FLNB: variants seen among roughly 807,000 people sequenced by gnomAD.
FLNB encodes the protein filamin-B.
Under a neutral mutation model 250.6 loss-of-function variants are expected in FLNB, and 111 were observed. That is an observed-to-expected ratio of 0.44 (90% CI 0.38 to 0.52). FLNB has a LOEUF of 0.52. Among genes scored for constraint, FLNB ranks in the 20% least tolerant of loss-of-function variants. The pLI is 0.00. For synonymous variants in FLNB, 1,302 were observed against 1,372.1 expected, an observed-to-expected ratio of 0.95 and a Z score of 1.13; for missense variants, 2,869 against 3,447.8, an observed-to-expected ratio of 0.83 and a Z score of 4.20.
intron 22 of FLNB, 56 bp from the exon 23 acceptor site, chr3:58,125,525 T>G: frequency 6.3e-7 from 1 of 1,583,280 alleles, no homozygotes; most frequent in Non-Finnish European, 8.7e-7. Context: ...AGAATCATTT[T>G]TCACAAATAG....
At chr3:58,113,726 TGGAGTGCAGTG>T (rs1158402315) in intron 18 of FLNB, among the ~76,000 whole-genome samples, 2 of 152,264 alleles carry the variant, frequency 1.3e-5, no homozygotes, top group Non-Finnish European at 2.9e-5. Flanking sequence ...TTGCCCAAGC[TGGAGTGCAGTG>T]GCATGATCTC....
intron 1 of FLNB, among the ~76,000 whole-genome samples, chr3:58,013,690 G>A (rs928651812): frequency 6.6e-6 from 1 of 152,214 alleles, no homozygotes; most frequent in Non-Finnish European, 1.5e-5. Flanking sequence ...TGGCCGTGGT[G>A]GTGCATGCCT....
chr3:58,062,547 T>A (rs996567181), intron 1 of FLNB, among the ~76,000 whole-genome samples: 4 of 152,280 alleles, frequency 2.6e-5, no homozygotes, highest in East Asian at 1.9e-4. Flanking sequence ...AGAAATCATG[T>A]TAGGGAACTT....
At position 58,069,020 on chromosome 3, in the gene FLNB, G is replaced by A. The variant is rs567832071; in HGVS notation, c.293-8026G>A. 6.6e-4 allele frequency among the ~76,000 whole-genome samples: 101 copies of A among 151,920 alleles called. 1 individual carries two copies. Among genetic ancestry groups the A allele is most frequent in the African/African-American group, 2.3e-3 (95 of 41,446 alleles). ...TTAGCCAGGTGGGTGGCATGTGCCTGTAGTCCTAGCTACCCAGGAGGCTGA... is the reference window on the plus strand; with the variant it reads ...TTAGCCAGGTGGGTGGCATGTGCCTATAGTCCTAGCTACCCAGGAGGCTGA... On this transcript the variant is annotated intron_variant, in intron 1 of 45. Coordinates refer to ENST00000295956, the MANE Select transcript of FLNB (RefSeq NM_001457.4).
At chr3:58,008,885 C>A in intron 1 of FLNB, 29 bp downstream of exon 1, 1 of 1,612,694 alleles carries the variant, frequency 6.2e-7, no homozygotes, top group Non-Finnish European at 8.5e-7. Flanking sequence ...CCCAGGCGCC[C>A]ACTGTGGTGC....
At chr3:58,023,990 C>T (rs1211744436) in intron 1 of FLNB, among the ~76,000 whole-genome samples, 3 of 152,190 alleles carry the variant, frequency 2.0e-5, no homozygotes, top group Non-Finnish European at 2.9e-5. Context: ...TGACAATGTA[C>T]TTGGGCAGCT....
chr3:58,135,062 A>T (rs917288240), intron 27 of FLNB, among the ~76,000 whole-genome samples: 1 of 152,102 alleles, frequency 6.6e-6, no homozygotes, highest in Admixed American at 6.5e-5. Flanking sequence ...CATGTTGCCC[A>T]ATCTGGTCTT....
At position 58,168,528 on chromosome 3, in the gene FLNB, G is replaced by T. The variant is rs753517546; in HGVS notation, c.7287G>T (p.Met2429Ile). 1 of 1,614,204 alleles carries T rather than the reference G, an allele frequency of 6.2e-7. No individual in the cohort carries two copies. The highest frequency in any genetic ancestry group is 1.7e-5 in the Admixed American group (1 of 60,030). ...TCGAAGGCCCATCCAAGGTTAAAAT[G>T]GATTGCCAGGAAACACCTGAAGGGT... is the stretch of plus-strand genomic sequence containing the variant. The part of the protein sequence containing the change: ...VTIEGPSKVK[M>I]DCQETPEGYK... Residue 2429 changes from methionine (M) to isoleucine (I), a missense_variant, in exon 44 of 46, where the codon ATG becomes ATT. By Grantham distance (10) the Met-to-Ile change is conservative. This residue lies in a region of FLNB where 1,084 missense variants were observed against 1,315.5 expected (regional missense o/e 0.82). Transcript: ENST00000295956.
chr3:58,052,357 C>A (rs2097163768), intron 1 of FLNB, among the ~76,000 whole-genome samples: 1 of 152,158 alleles, frequency 6.6e-6, no homozygotes, highest in Non-Finnish European at 1.5e-5. Context: ...ACAGGACTGA[C>A]AGGGTCCAAA....
intron 1 of FLNB, among the ~76,000 whole-genome samples, chr3:58,037,583 A>G (rs970601376): frequency 2.0e-4 from 31 of 152,156 alleles, no homozygotes; most frequent in Admixed American, 9.2e-4. Flanking sequence ...GAAAGCCCCC[A>G]GGTAGAATTA....
chr3:58,083,908 T>C (rs1039483763), intron 4 of FLNB, among the ~76,000 whole-genome samples: 1 of 152,118 alleles, frequency 6.6e-6, no homozygotes, highest in Admixed American at 6.6e-5. Flanking sequence ...AAAAGTGCTT[T>C]CTTTGGCCGG....
chr3:58,121,651 GGT>G (rs1334813368), intron 20 of FLNB, 148 bp downstream of exon 20: 1 of 983,174 alleles, frequency 1.0e-6, no homozygotes, highest in Non-Finnish European at 1.6e-6. Context: ...CCCCTGGGTA[GGT>G]GGGTCACAAC....
At chr3:58,109,749 C>T (rs1559699588) in intron 15 of FLNB, 50 bp downstream of exon 15, 13 of 1,612,774 alleles carry the variant, frequency 8.1e-6, no homozygotes, top group Non-Finnish European at 7.6e-6. Flanking sequence ...GTGGGGAAGG[C>T]AGTTCTTTTC....
chr3:58,031,237 T>TTTTA (rs991118576), intron 1 of FLNB, among the ~76,000 whole-genome samples: 31 of 152,128 alleles, frequency 2.0e-4, no homozygotes, highest in Non-Finnish European at 3.5e-4. Flanking sequence ...AAAGTGTGTC[T>TTTTA]TTTATTTATT....
At position 58,054,907 on chromosome 3, in the gene FLNB, G is replaced by A. The variant is rs116301738; in HGVS notation, c.293-22139G>A. 5.0e-3 allele frequency among the ~76,000 whole-genome samples: 754 copies of A among 152,294 alleles called. 4 individuals carry two copies. The highest frequency in any genetic ancestry group is 0.017 in the African/African-American group (725 of 41,552). On this transcript the variant is annotated intron_variant, in intron 1 of 45. Coordinates refer to ENST00000295956, the MANE Select transcript of FLNB (RefSeq NM_001457.4). ...ATTTATTTATGTACTGTCTATGGAT[G>A]CTTTCACACTGCAACAATAGATCCA...
At chr3:58,048,272 G>A (rs946706301) in intron 1 of FLNB, among the ~76,000 whole-genome samples, 5 of 152,096 alleles carry the variant, frequency 3.3e-5, no homozygotes, top group Admixed American at 2.6e-4. Context: ...AAGAAATCAG[G>A]CCCGTTGTCT....
At chr3:58,028,005 C>T (rs1233190935) in intron 1 of FLNB, among the ~76,000 whole-genome samples, 1 of 152,200 alleles carries the variant, frequency 6.6e-6, no homozygotes, top group Non-Finnish European at 1.5e-5. Context: ...TTGAAGGTAA[C>T]CTAGCACTAC....
intron 42 of FLNB, chr3:58,162,714 G>A (rs984556873): frequency 3.9e-5 from 9 of 230,168 alleles, no homozygotes; most frequent in Admixed American, 1.6e-4. Flanking sequence ...TGAGTAAGCC[G>A]CTGCGGAGCC....
chr3:58,094,977 T>C (rs1473690296), intron 5 of FLNB, 23 bp downstream of exon 5: 1 of 1,563,336 alleles, frequency 6.4e-7, no homozygotes, highest in South Asian at 1.1e-5. Flanking sequence ...ATGCTGCCTC[T>C]CCTTTCCAGC....
Sources: gnomAD v4.1 joint callset for allele counts (sites outside exome capture counted in the v4.1 genomes callset) on GRCh38, gnomAD v4.1.1 for gene constraint, gnomAD v4.1.1 regional missense constraint, MANE v1.5 for transcripts, NCBI Gene and HGNC (gene_info 2026-07-23, HGNC 2026-07-21) for gene names.